Variants in FGF14 observed in about 807,000 individuals in gnomAD.
FGF14 encodes fibroblast growth factor homologous factor 4.
FGF14 carries 5 observed loss-of-function variants against 25.5 expected under a neutral mutation model. The ratio of observed to expected loss-of-function variants is 0.20; its 90% CI spans 0.10 to 0.41. The LOEUF (loss-of-function observed/expected upper bound fraction) is 0.41, where lower values mean the gene tolerates loss of function less well. Ranked by LOEUF, FGF14 falls within the 10% of genes least tolerant of loss-of-function variation. FGF14 has a pLI of 1.00. For missense variants in FGF14, 222 were observed against 320.1 expected (o/e 0.69, Z 2.34); for synonymous variants, 138 against 118.3 (o/e 1.17, Z -1.08).
chr13:102,342,448 A>C (rs2056980706), intron 1 of FGF14, among the ~76,000 whole-genome samples: 1 of 152,152 alleles, frequency 6.6e-6, no homozygotes, highest in Non-Finnish European at 1.5e-5. Flanking sequence ...AAAAATATGA[A>C]AGAAAAATGG....
chr13:101,786,078 A>C (rs963025553), intron 3 of FGF14, among the ~76,000 whole-genome samples: 92 of 152,252 alleles, frequency 6.0e-4, no homozygotes, highest in African/African-American at 2.1e-3. Context: ...TATAACCAAC[A>C]AACAGCGCTG....
intron 3 of FGF14, among the ~76,000 whole-genome samples, chr13:101,850,671 A>AATAGAATATAT (rs566727068): frequency 6.9e-6 from 1 of 144,390 alleles, no homozygotes. Context: ...CTATATAGAG[A>AATAGAATATAT]ATAGAATATA....
intron 1 of FGF14, among the ~76,000 whole-genome samples, chr13:102,238,736 T>C (rs2051444457): frequency 6.6e-6 from 1 of 152,230 alleles, no homozygotes. Context: ...TGGAGACTTA[T>C]TAATGTAATT....
In FGF14 at chr13:102,276,353, G is replaced by A. The variant is rs866701840; in HGVS notation, c.208+125118C>T. ...CGTACGTGTGTGTGTGTGTGTGTGT[G>A]TATATATATATATATATATATATAT... On this transcript the variant is annotated intron_variant, in intron 1 of 4. Coordinates refer to the FGF14 transcript ENST00000376131. Among the ~76,000 whole-genome samples, 675 of 103,198 alleles carry A rather than the reference G, an allele frequency of 6.5e-3. 10 individuals carry two copies. The highest frequency in any genetic ancestry group is 0.024 in the African/African-American group (627 of 26,186). The allele number at this position is 103,198 out of a possible 152,430, so 67.7% of individuals were successfully genotyped here.
At chr13:102,268,051 C>T (rs758028399) in intron 1 of FGF14, among the ~76,000 whole-genome samples, 1 of 151,954 alleles carries the variant, frequency 6.6e-6, no homozygotes, top group Non-Finnish European at 1.5e-5. Context: ...TAGGACCACA[C>T]ACATTTATGA....
At chr13:102,379,022 A>C (rs1160776461) in intron 1 of FGF14, among the ~76,000 whole-genome samples, 1 of 152,130 alleles carries the variant, frequency 6.6e-6, no homozygotes, top group East Asian at 1.9e-4. Context: ...CCAGCCTATG[A>C]AGGAGGACAT....
At chr13:101,997,231 A>G in intron 1 of FGF14, among the ~76,000 whole-genome samples, 1 of 151,178 alleles carries the variant, frequency 6.6e-6, no homozygotes, top group Non-Finnish European at 1.5e-5. Flanking sequence ...TTGCTTACAA[A>G]CAATGCTACA....
chr13:101,790,398 C>G (rs2040166279), intron 3 of FGF14, among the ~76,000 whole-genome samples: 2 of 129,674 alleles, frequency 1.5e-5, no homozygotes, highest in Middle Eastern at 4.6e-3. Flanking sequence ...CTAGCTGGCT[C>G]TATTCATTTT....
At chr13:101,766,672 G>A (rs946764496) in intron 3 of FGF14, among the ~76,000 whole-genome samples, 2 of 152,080 alleles carry the variant, frequency 1.3e-5, no homozygotes, top group African/African-American at 4.8e-5. Context: ...GTGGAAATGT[G>A]GTCTTTGCAG....
chr13:102,136,733 G>A (rs1398441762), intron 1 of FGF14, among the ~76,000 whole-genome samples: 8 of 150,914 alleles, frequency 5.3e-5, no homozygotes, highest in African/African-American at 1.9e-4. Context: ...TCCAAAGTAA[G>A]TATGACTGAT....
At chr13:101,886,134 G>A (rs2045977915) in intron 1 of FGF14, among the ~76,000 whole-genome samples, 1 of 152,106 alleles carries the variant, frequency 6.6e-6, no homozygotes, top group African/African-American at 2.4e-5. Context: ...TGGCCATCAG[G>A]TTGGATTATA....
At chr13:102,019,528 C>T (rs1394943912) in intron 1 of FGF14, among the ~76,000 whole-genome samples, 1 of 152,142 alleles carries the variant, frequency 6.6e-6, no homozygotes, top group African/African-American at 2.4e-5. Context: ...CCACCTCTCC[C>T]TTGGAGAAGT....
At chr13:102,157,868 A>C (rs1364886114) in intron 1 of FGF14, among the ~76,000 whole-genome samples, 1 of 152,240 alleles carries the variant, frequency 6.6e-6, no homozygotes, top group Non-Finnish European at 1.5e-5. Context: ...GAAGATATGA[A>C]CAGACACTTC....
chr13:101,917,045 G>A (rs961489621), upstream of FGF14, among the ~76,000 whole-genome samples: 13 of 151,494 alleles, frequency 8.6e-5, no homozygotes, highest in Non-Finnish European at 1.5e-4. Context: ...GCGGGAGGTA[G>A]AGCCGGCCGG....
chr13:101,889,552 C>A (rs1296104347), intron 1 of FGF14, among the ~76,000 whole-genome samples: 1 of 151,976 alleles, frequency 6.6e-6, no homozygotes, highest in South Asian at 2.1e-4. Flanking sequence ...TATTTATAAA[C>A]CCACGTCTGA....
chr13:101,901,110 G>A (rs1471723066), intron 1 of FGF14, among the ~76,000 whole-genome samples: 6 of 151,950 alleles, frequency 3.9e-5, no homozygotes, highest in African/African-American at 7.3e-5. Flanking sequence ...CCCACAGGTT[G>A]GGAAGAACAT....
At chr13:102,145,282 T>C (rs2046809373) in intron 1 of FGF14, among the ~76,000 whole-genome samples, 1 of 152,178 alleles carries the variant, frequency 6.6e-6, no homozygotes, top group Non-Finnish European at 1.5e-5. Flanking sequence ...GACTCAATTC[T>C]AGCCAATGAA....
chr13:102,317,873 TG>T (rs1249024191), intron 1 of FGF14, among the ~76,000 whole-genome samples: 2 of 152,222 alleles, frequency 1.3e-5, no homozygotes, highest in Admixed American at 6.5e-5. Context: ...AACCTTTGCT[TG>T]GTTCCTGCCA....
chr13:102,263,709 AT>A, intron 1 of FGF14, among the ~76,000 whole-genome samples: 1 of 152,196 alleles, frequency 6.6e-6, no homozygotes, highest in East Asian at 1.9e-4. Context: ...CATAATTCAT[AT>A]TGCTTTTAAT....
Sources: allele counts gnomAD v4.1 joint callset (sites outside exome capture counted in the v4.1 genomes callset), GRCh38; gene constraint gnomAD v4.1.1; transcripts MANE v1.5; gene names NCBI Gene and HGNC (gene_info 2026-07-23, HGNC 2026-07-21).